Variants in CD163L1 observed in about 807,000 individuals in gnomAD.
CD163L1 encodes CD163 molecule like 1.
Under a neutral mutation model 165.4 loss-of-function variants are expected in CD163L1, and 124 were observed. The ratio of observed to expected loss-of-function variants is 0.75; its 90% CI spans 0.65 to 0.87. The LOEUF is 0.87. CD163L1 is among the 40% of genes least tolerant of loss of function. The pLI is 0.00. For synonymous variants in CD163L1, 585 were observed against 662.2 expected, an observed-to-expected ratio of 0.88 and a Z score of 1.79; for missense variants, 1,525 against 1,799.9, an observed-to-expected ratio of 0.85 and a Z score of 2.76.
chr12:7,419,493 GA>G (rs1392409489), intron 4 of CD163L1, among the ~76,000 whole-genome samples: 1 of 151,560 alleles, frequency 6.6e-6, no homozygotes, highest in Non-Finnish European at 1.5e-5. Context: ...ACATAGTACT[GA>G]AAGCCTTAGC....
Position 7,398,503 on chromosome 12 carries a change from C to A in CD163L1, c.1490G>T (p.Trp497Leu). Residue 497 changes from tryptophan to leucine, a missense_variant, in exon 7 of 20, where the codon TGG (tryptophan) becomes TTG (leucine). Coordinates refer to ENST00000313599, the MANE Select transcript of CD163L1 (RefSeq NM_174941.6). This position sits in a 1 kb window ranked among gnomAD's most constrained non-coding sequence, Gnocchi z 4.5. ...CCATCTGTCATGACACACAGTCCCC[C>A]ACTCTCCTTGGTATTTCACCTCCAA... Reference protein sequence around the residue: ...GRLEVKYQGEWGTVCHDRWST... With the variant: ...GRLEVKYQGELGTVCHDRWST... 6.2e-7 allele frequency: 1 copy of A among 1,613,854 alleles called. No homozygotes were observed. Among genetic ancestry groups the A allele is most frequent in the East Asian group, 2.2e-5 (1 of 44,856 alleles).
chr12:7,327,866 C>A, the CD163L1 span, among the ~76,000 whole-genome samples: 1 of 152,062 alleles, frequency 6.6e-6, no homozygotes, highest in East Asian at 1.9e-4. Flanking sequence ...CAAGTCAGGG[C>A]AGAAGGGAAA....
At chr12:7,386,211 A>C (rs1036403041) in intron 8 of CD163L1, among the ~76,000 whole-genome samples, 1 of 152,054 alleles carries the variant, frequency 6.6e-6, no homozygotes, top group Non-Finnish European at 1.5e-5. Context: ...CAAACTGGTA[A>C]ATCTAGAAGA....
At chr12:7,392,093 C>G (rs1363340382) in intron 8 of CD163L1, among the ~76,000 whole-genome samples, 1 of 152,188 alleles carries the variant, frequency 6.6e-6, no homozygotes. Flanking sequence ...ATCTGCAGAA[C>G]TCTCCACAGC....
chr12:7,336,721 T>C, the CD163L1 span, among the ~76,000 whole-genome samples: 1 of 152,186 alleles, frequency 6.6e-6, no homozygotes, highest in African/African-American at 2.4e-5. Flanking sequence ...TGCTCATGCA[T>C]AGGAAGAATC....
intron 2 of CD163L1, among the ~76,000 whole-genome samples, chr12:7,437,178 C>T (rs1948728580): frequency 2.6e-4 from 1 of 3,804 alleles, no homozygotes; most frequent in African/African-American, 8.5e-4. Flanking sequence ...AATAGTATTA[C>T]TTTTATTTTT....
At position 7,425,042 on chromosome 12, in the gene CD163L1, A is replaced by T. The variant is rs188248702; in HGVS notation, c.766+7374T>A. Among the ~76,000 whole-genome samples, 520 of 152,344 alleles carry T rather than the reference A, an allele frequency of 3.4e-3. 3 individuals are homozygous for T. Among genetic ancestry groups the T allele is most frequent in the African/African-American group, 0.012 (487 of 41,588 alleles). ...CATATAGCCAAGACAATTCTAAGCA[A>T]AAAGAACAAAGCTGAAGGCATCATG... On this transcript the variant is annotated intron_variant, in intron 4 of 19. Coordinates refer to ENST00000313599, the MANE Select transcript of CD163L1 (RefSeq NM_174941.6).
intron 4 of CD163L1, among the ~76,000 whole-genome samples, chr12:7,422,557 AC>A (rs1472734430): frequency 1.3e-5 from 2 of 151,796 alleles, no homozygotes; most frequent in African/African-American, 4.8e-5. Flanking sequence ...AGGTTAAAGA[AC>A]TACTAACTAG....
At chr12:7,361,396 G>A (rs1946887774) in intron 18 of CD163L1, among the ~76,000 whole-genome samples, 1 of 152,098 alleles carries the variant, frequency 6.6e-6, no homozygotes, top group African/African-American at 2.4e-5. Context: ...AGGTTCACAT[G>A]ACTAGGAAGT....
At chr12:7,431,670 T>A (rs1948631536) in intron 4 of CD163L1, among the ~76,000 whole-genome samples, 1 of 151,846 alleles carries the variant, frequency 6.6e-6, no homozygotes, top group African/African-American at 2.4e-5. Context: ...GACGAGTTGA[T>A]GGGTGCAGCA....
rs1947162352 is a variant in CD163L1 at position 7,372,331 on chromosome 12, T to C, written c.3730+989A>G. 6.6e-6 allele frequency among the ~76,000 whole-genome samples: 1 copy of C among 152,048 alleles called. No individual in the cohort carries two copies. Among genetic ancestry groups the C allele is most frequent in the Non-Finnish European group, 1.5e-5 (1 of 67,926 alleles). On this transcript the variant is annotated intron_variant, in intron 14 of 19. Transcript: ENST00000313599. This position sits in a 1 kb window ranked among gnomAD's most constrained non-coding sequence, Gnocchi z 4.2. Reference sequence around the variant, plus strand: ...ATTAACTACTACATATAAAGAATCATAAAAATGTTCACTCATTTTACCCAC... The same window carrying C: ...ATTAACTACTACATATAAAGAATCACAAAAATGTTCACTCATTTTACCCAC...
chr12:7,365,469 G>A (rs1372472581), intron 18 of CD163L1, among the ~76,000 whole-genome samples: 1 of 152,020 alleles, frequency 6.6e-6, no homozygotes, highest in Non-Finnish European at 1.5e-5. Context: ...TCAACAAAGT[G>A]AAGAGACAAC....
chr12:7,396,528 G>C, intron 7 of CD163L1, 113 bp from the exon 8 acceptor site: 1 of 989,520 alleles, frequency 1.0e-6, no homozygotes, highest in Non-Finnish European at 1.4e-6. Flanking sequence ...TCTAGATGGT[G>C]CTGTGAAGGT....
At chr12:7,328,336 G>A in the CD163L1 span, 31 of 1,594,770 alleles carry the variant, frequency 1.9e-5, no homozygotes, top group South Asian at 8.0e-5. Context: ...AAAATCAAAC[G>A]CAACGTTTTA....
chr12:7,326,275 T>G, the CD163L1 span, among the ~76,000 whole-genome samples: 6 of 152,162 alleles, frequency 3.9e-5, no homozygotes, highest in African/African-American at 1.4e-4. Context: ...CAGTTATAGC[T>G]CACTGTAACC....
Position 7,433,150 on chromosome 12 carries a change from G to C in CD163L1, c.445+224C>G, listed in dbSNP as rs373993475. Among the ~76,000 whole-genome samples, 56 of 152,134 alleles carry C rather than the reference G, an allele frequency of 3.7e-4. No homozygotes were observed. The East Asian group carries it at 8.1e-3, about 22-fold the overall frequency. ...GGTAACTGTAATGCATTCTCTCTCT[G>C]TCTCTCTCTTTCTCTCTCCATTTCT... On this transcript the variant is annotated intron_variant, in intron 3 of 19. Transcript: ENST00000313599.
the CD163L1 span, chr12:7,326,858 G>T: frequency 8.8e-7 from 1 of 1,132,278 alleles, no homozygotes; most frequent in Non-Finnish European, 1.2e-6. Flanking sequence ...TCTGGCATTT[G>T]CAGTCATCAC....
At chr12:7,385,661 T>C (rs746906551) in intron 8 of CD163L1, among the ~76,000 whole-genome samples, 1 of 151,908 alleles carries the variant, frequency 6.6e-6, no homozygotes, top group Non-Finnish European at 1.5e-5. Context: ...ATAAAGTATC[T>C]TATCAGACCA....
chr12:7,368,719 C>G lies in CD163L1; in HGVS notation c.4072+214G>C. The G allele has an allele frequency of 1.8e-6, 1 of 558,304 alleles. No homozygotes were observed. Among genetic ancestry groups the G allele is most frequent in the Non-Finnish European group, 3.3e-6 (1 of 307,130 alleles). The allele number at this position is 558,304 out of a possible 1,614,324, so 34.6% of individuals were successfully genotyped here. On this transcript the variant is annotated intron_variant, in intron 16 of 19. Transcript: ENST00000313599. This position sits in a 1 kb window ranked among gnomAD's most constrained non-coding sequence, Gnocchi z 4.3. ...TTATCTATGAGGGTACCATGAGAGT[C>G]TTATCCTTCTCTGCATGTAAAAAGG...
Sources: gnomAD v4.1 joint callset for allele counts (sites outside exome capture counted in the v4.1 genomes callset) on GRCh38, gnomAD v4.1.1 for gene constraint, Gnocchi (gnomAD v3.1) non-coding constraint, MANE v1.5 for transcripts, NCBI Gene and HGNC (gene_info 2026-07-23, HGNC 2026-07-21) for gene names.